The following NUP85 variants were observed in gnomAD, a reference collection of about 807,000 sequenced individuals.
NUP85 encodes nucleoporin 85, also known as nuclear pore complex protein Nup85.
Under a neutral mutation model 92.8 loss-of-function variants are expected in NUP85, and 23 were observed. The observed-to-expected ratio is 0.25, with a 90% CI of 0.18 to 0.35. NUP85 has a LOEUF of 0.35. NUP85 is among the 10% of genes least tolerant of loss of function. The pLI is 1.00. For synonymous variants in NUP85, 314 were observed against 306.9 expected (o/e 1.02, Z -0.24); for missense variants, 759 against 822.8 (o/e 0.92, Z 0.95).
chr17:75,214,246 T>A (rs977790789), intron 5 of NUP85, among the ~76,000 whole-genome samples: 1 of 152,146 alleles, frequency 6.6e-6, no homozygotes, highest in Non-Finnish European at 1.5e-5. Flanking sequence ...TATTAGATAC[T>A]TTTCAAAGTC....
chr17:75,208,440 CAAAA>C (rs10579016), intron 1 of NUP85, 83 bp from the exon 2 acceptor site: 32,589 of 544,238 alleles, frequency 0.06, 10 homozygotes, highest in Middle Eastern at 0.083. Flanking sequence ...GTCTTTGTCT[CAAAA>C]AAAAAAAAAA....
At position 75,215,826 on chromosome 17, in the gene NUP85, A is replaced by G; in HGVS notation, c.475+3A>G. The stretch of plus-strand genomic sequence containing the variant: ...TCTTTTTATTGAAGTGGCCCCAGGT[A>G]GGCATGGAATATCTCACCATAATCT... On this transcript the variant is annotated splice_donor_region_variant and intron_variant, in intron 6 of 18. Transcript: ENST00000245544. The G allele has an allele frequency of 6.2e-7, 1 of 1,613,080 alleles. No homozygotes were observed. The highest frequency in any genetic ancestry group is 8.5e-7 in the Non-Finnish European group (1 of 1,179,038).
chr17:75,226,205 T>C, intron 11 of NUP85, 48 bp downstream of exon 11: 1 of 1,498,642 alleles, frequency 6.7e-7, no homozygotes, highest in Non-Finnish European at 9.3e-7. Context: ...GGTGTACAAA[T>C]ATCACCACCT....
chr17:75,210,895 G>A (rs905805472), intron 3 of NUP85, among the ~76,000 whole-genome samples: 4 of 151,404 alleles, frequency 2.6e-5, no homozygotes, highest in Non-Finnish European at 5.9e-5. Flanking sequence ...TAGAGACGGG[G>A]TTTCACCGTG....
At chr17:75,224,998 G>A in intron 7 of NUP85, 105 bp from the exon 8 acceptor site, 8 of 1,178,496 alleles carry the variant, frequency 6.8e-6, no homozygotes, top group Non-Finnish European at 9.3e-6. Context: ...AAGCCTGTGT[G>A]TGAAGAGTTA....
At chr17:75,215,460 T>C (rs2075400976) in intron 5 of NUP85, among the ~76,000 whole-genome samples, 1 of 152,240 alleles carries the variant, frequency 6.6e-6, no homozygotes, top group Non-Finnish European at 1.5e-5. Flanking sequence ...TCCACCTGCC[T>C]TGGCCTCCCA....
chr17:75,218,178 C>T lies in NUP85; in HGVS notation c.476-7C>T. The T allele has an allele frequency of 6.2e-7, 1 of 1,613,838 alleles. No homozygotes were observed. The highest frequency in any genetic ancestry group is 1.1e-5 in the South Asian group (1 of 91,068). On this transcript the variant is annotated splice_polypyrimidine_tract_variant and splice_region_variant and intron_variant, in intron 6 of 18. Coordinates refer to ENST00000245544, the MANE Select transcript of NUP85 (RefSeq NM_024844.5). The stretch of plus-strand genomic sequence containing the variant: ...CTTTTGTGTGTGATGAGAGTCTCTC[C>T]TCCCAGCTGGCCCTCTCCTCCTCCA...
At chr17:75,223,784 T>A (rs1260565827) in intron 7 of NUP85, among the ~76,000 whole-genome samples, 8 of 152,176 alleles carry the variant, frequency 5.3e-5, no homozygotes, top group Non-Finnish European at 1.0e-4. Context: ...TCATTTTAAT[T>A]TTTTTCCAAA....
chr17:75,212,997 C>T, intron 4 of NUP85, 79 bp from the exon 5 acceptor site: 1 of 1,322,344 alleles, frequency 7.6e-7, no homozygotes, highest in Non-Finnish European at 1.1e-6. Flanking sequence ...AGGCTCAAGC[C>T]ATAGACCCTG....
intron 4 of NUP85, among the ~76,000 whole-genome samples, 187 bp downstream of exon 4, chr17:75,212,249 T>TGTTGTTTTTTG (rs1568069676): frequency 3.7e-4 from 1 of 2,690 alleles, no homozygotes; most frequent in African/African-American, 5.6e-4. Context: ...TTGTTGTTGT[T>TGTTGTTTTTTG]TTTTTTTTTT....
chr17:75,234,670 A>G lies in NUP85; in HGVS notation c.1649A>G (p.Glu550Gly), dbSNP rs2076255359. Residue 550 changes from glutamate to glycine, a missense_variant, in exon 17 of 19, where the codon GAG becomes GGG. By Grantham distance (98) the Glu-to-Gly change is moderately conservative. Transcript: ENST00000245544. ...CGCGAGTTCCACCGTATGTACGGGGAGAAGCGTTTTGCCGACGCAGCTTCT... is the reference window on the plus strand; with the variant it reads ...CGCGAGTTCCACCGTATGTACGGGGGGAAGCGTTTTGCCGACGCAGCTTCT... ...KYREFHRMYGEKRFADAASLL... is the reference protein window; with the variant it reads ...KYREFHRMYGGKRFADAASLL... 6.2e-7 allele frequency: 1 copy of G among 1,614,140 alleles called. No homozygotes were observed. Among genetic ancestry groups the G allele is most frequent in the Non-Finnish European group, 8.5e-7 (1 of 1,180,030 alleles).
At position 75,235,742 on chromosome 17, in the gene NUP85, G is replaced by T; in HGVS notation, c.*63G>T. ...TATAGATTTTTTTAAAAGAATAAAT[G>T]TTGTTTTGCAAATGTAGGTTCTTAG... On this transcript the variant is annotated 3_prime_UTR_variant, in exon 19 of 19. Coordinates refer to ENST00000245544, the MANE Select transcript of NUP85 (RefSeq NM_024844.5). 7.8e-7 allele frequency: 1 copy of T among 1,289,256 alleles called. No individual in the cohort carries two copies. Among genetic ancestry groups the T allele is most frequent in the Admixed American group, 1.8e-5 (1 of 55,564 alleles). 79.9% of individuals were successfully genotyped at this position (1,289,256 alleles called of 1,614,324 possible).
chr17:75,218,208 C>T lies in NUP85; in HGVS notation c.499C>T (p.Leu167Phe). The T allele has an allele frequency of 6.2e-7, 1 of 1,613,984 alleles. No homozygotes were observed. The highest frequency in any genetic ancestry group is 8.5e-7 in the Non-Finnish European group (1 of 1,179,932). The change falls in exon 7 of 19, where the codon CTT (leucine) becomes TTT (phenylalanine). Residue 167 changes from leucine (L) to phenylalanine (F), a missense_variant. By Grantham distance (22) the Leu-to-Phe change is conservative. Coordinates refer to ENST00000245544, the MANE Select transcript of NUP85 (RefSeq NM_024844.5). ...AGCTGGCCCTCTCCTCCTCCATCTC[C>T]TTGACTGGGTCCGGCTCCATGTGTG... The part of the protein sequence containing the change: ...APAGPLLLHL[L>F]DWVRLHVCEV...
chr17:75,234,052 C>CTTTT (rs10716628), intron 16 of NUP85, among the ~76,000 whole-genome samples: 1 of 118,072 alleles, frequency 8.5e-6, no homozygotes, highest in Non-Finnish European at 1.8e-5. Flanking sequence ...CATGTTTCTT[C>CTTTT]TTTTTTTTTT....
intron 3 of NUP85, among the ~76,000 whole-genome samples, 168 bp from the exon 4 acceptor site, chr17:75,211,824 G>A (rs56033113): frequency 0.029 from 4,456 of 152,220 alleles, 101 homozygotes; most frequent in Non-Finnish European, 0.044. Flanking sequence ...GTTTTGTGGC[G>A]TTTTATTTTG....
chr17:75,225,519 A>T (rs2075757694), intron 9 of NUP85, 55 bp downstream of exon 9: 1 of 1,596,596 alleles, frequency 6.3e-7, no homozygotes, highest in African/African-American at 1.3e-5. Context: ...GGGCTGTGGC[A>T]TCCAGTGCAG....
In NUP85 at chr17:75,232,978, G is replaced by A. The variant is rs369873595; in HGVS notation, c.1514+10G>A. Reference sequence around the variant, plus strand: ...CGCTCGTGTCAGACAGGTGGGTGCCGCTAGTGTTGGCTTCCCAGGGACTGG... The same window carrying A: ...CGCTCGTGTCAGACAGGTGGGTGCCACTAGTGTTGGCTTCCCAGGGACTGG... On this transcript the variant is annotated intron_variant, in intron 15 of 18. Coordinates refer to ENST00000245544, the MANE Select transcript of NUP85 (RefSeq NM_024844.5). 1.1e-4 allele frequency: 184 copies of A among 1,613,062 alleles called. No individual in the cohort carries two copies. The African/African-American group carries it at 1.9e-3, about 16-fold the overall frequency.
At chr17:75,207,118 G>C (rs1384716328) in intron 1 of NUP85, among the ~76,000 whole-genome samples, 1 of 151,986 alleles carries the variant, frequency 6.6e-6, no homozygotes, top group Non-Finnish European at 1.5e-5. Flanking sequence ...GAAAATTTTA[G>C]AGGCTCACAA....
chr17:75,213,285 T>C (rs1426013939), intron 5 of NUP85, among the ~76,000 whole-genome samples, 166 bp downstream of exon 5: 1 of 151,976 alleles, frequency 6.6e-6, no homozygotes, highest in East Asian at 1.9e-4. Context: ...AAGGTGTAGC[T>C]CACAAGGAAG....
Sources: gnomAD v4.1 joint callset for allele counts (sites outside exome capture counted in the v4.1 genomes callset) on GRCh38, gnomAD v4.1.1 for gene constraint, MANE v1.5 for transcripts, NCBI Gene and HGNC (gene_info 2026-07-23, HGNC 2026-07-21) for gene names.